Variants in NLK observed in about 807,000 individuals in gnomAD.
NLK encodes serine/threonine-protein kinase NLK.
In NLK, 11 loss-of-function variants were observed where a neutral mutation model predicts 59.0. That is an observed-to-expected ratio of 0.19 (90% CI 0.12 to 0.31). The LOEUF is 0.31. Among genes scored for constraint, NLK ranks in the 10% least tolerant of loss-of-function variants. The pLI, the probability that NLK is intolerant of heterozygous loss-of-function variation, is 1.00. For missense variants in NLK, 410 were observed against 661.1 expected, an observed-to-expected ratio of 0.62 and a Z score of 4.16; for synonymous variants, 235 against 235.9, an observed-to-expected ratio of 1.00 and a Z score of 0.03.
At chr17:28,085,469 G>T (rs1910482423) in intron 1 of NLK, among the ~76,000 whole-genome samples, 1 of 152,236 alleles carries the variant, frequency 6.6e-6, no homozygotes, top group Admixed American at 6.5e-5. Flanking sequence ...GCTGGGCATG[G>T]TGGCTCACGC....
intron 1 of NLK, chr17:28,062,171 G>A (rs186170571): frequency 1.1e-3 from 170 of 152,156 alleles, no homozygotes; most frequent in African/African-American, 3.9e-3. Context: ...GAGAGCGAGA[G>A]TTATAGATGG....
In NLK at chr17:28,082,657, G is replaced by A. The variant is rs34213626; in HGVS notation, c.458+39326G>A. Among the ~76,000 whole-genome samples, 525 of 152,300 alleles carry A rather than the reference G, an allele frequency of 3.4e-3. 2 individuals are homozygous for A. The highest frequency in any genetic ancestry group is 0.012 in the African/African-American group (504 of 41,572). On this transcript the variant is annotated intron_variant, in intron 1 of 10. Coordinates refer to ENST00000407008, the MANE Select transcript of NLK (RefSeq NM_016231.5). Reference sequence around the variant, plus strand: ...GTTTGGATTGTGAGCTGAAACTGAAGAGCAGAATTTAATGTTGACCTCTAA... The same window carrying A: ...GTTTGGATTGTGAGCTGAAACTGAAAAGCAGAATTTAATGTTGACCTCTAA...
chr17:28,084,596 C>G (rs1910451473), intron 1 of NLK, among the ~76,000 whole-genome samples: 1 of 151,714 alleles, frequency 6.6e-6, no homozygotes, highest in Non-Finnish European at 1.5e-5. Flanking sequence ...TGGAGTCTTG[C>G]TCTGTCACCC....
chr17:28,049,678 A>G (rs970154470), intron 1 of NLK, among the ~76,000 whole-genome samples: 1 of 152,142 alleles, frequency 6.6e-6, no homozygotes, highest in Non-Finnish European at 1.5e-5. Context: ...ATTAAATAAA[A>G]ACTTAAGAAT....
At chr17:28,090,409 T>C (rs1423241461) in intron 1 of NLK, among the ~76,000 whole-genome samples, 1 of 152,240 alleles carries the variant, frequency 6.6e-6, no homozygotes, top group African/African-American at 2.4e-5. Flanking sequence ...CTTGTTATTA[T>C]TTTCCATGCT....
At chr17:28,098,675 C>CTTTTTTTTTTTTTTTTTTTT (rs781294029) in intron 1 of NLK, among the ~76,000 whole-genome samples, 2 of 67,566 alleles carry the variant, frequency 3.0e-5, no homozygotes, top group Admixed American at 3.2e-4. Flanking sequence ...CATTACCATT[C>CTTTTTTTTTTTTTTTTTTTT]TTTTTTTTTT....
At chr17:28,069,676 CT>C (rs1026733874) in intron 1 of NLK, among the ~76,000 whole-genome samples, 10 of 151,064 alleles carry the variant, frequency 6.6e-5, no homozygotes, top group African/African-American at 9.7e-5. Flanking sequence ...GTTGGCATGT[CT>C]TTTTTTTTCC....
intron 1 of NLK, among the ~76,000 whole-genome samples, chr17:28,087,343 A>C (rs544651339): frequency 8.8e-4 from 134 of 152,328 alleles, no homozygotes; most frequent in African/African-American, 3.1e-3. Flanking sequence ...ATGTGTAGGT[A>C]TTAACAAGTG....
At chr17:28,068,802 C>T (rs1909917735) in intron 1 of NLK, among the ~76,000 whole-genome samples, 1 of 152,154 alleles carries the variant, frequency 6.6e-6, no homozygotes. Flanking sequence ...CTGCAGCCTT[C>T]AGAGTAGCTG....
At chr17:28,046,331 C>G (rs1909050131) in intron 1 of NLK, among the ~76,000 whole-genome samples, 3 of 152,252 alleles carry the variant, frequency 2.0e-5, no homozygotes, top group African/African-American at 4.8e-5. Context: ...GGTGCTGTGA[C>G]AGTTCAATTA....
intron 7 of NLK, among the ~76,000 whole-genome samples, chr17:28,174,180 TA>T (rs1293783692): frequency 6.6e-6 from 1 of 152,148 alleles, no homozygotes; most frequent in East Asian, 1.9e-4. Flanking sequence ...CTGTTAGTTG[TA>T]AAAACCTAAG....
At chr17:28,071,243 T>G (rs1909997664) in intron 1 of NLK, among the ~76,000 whole-genome samples, 1 of 152,250 alleles carries the variant, frequency 6.6e-6, no homozygotes, top group Admixed American at 6.5e-5. Context: ...TCCAACTTAC[T>G]TGTTTTAATT....
intron 1 of NLK, among the ~76,000 whole-genome samples, chr17:28,045,084 A>G (rs188098189): frequency 1.3e-5 from 2 of 152,320 alleles, no homozygotes; most frequent in Non-Finnish European, 2.9e-5. Flanking sequence ...AGTGGGTACT[A>G]TGAATCTTTG....
intron 3 of NLK, among the ~76,000 whole-genome samples, chr17:28,158,594 G>C (rs997364718): frequency 6.6e-6 from 1 of 151,772 alleles, no homozygotes; most frequent in Non-Finnish European, 1.5e-5. Flanking sequence ...ATAACACTTA[G>C]CGTAAAACAC....
chr17:28,194,769 T>C lies in NLK; in HGVS notation c.*133T>C, dbSNP rs1909425471. The C allele has an allele frequency of 1.2e-5, 6 of 480,306 alleles. No homozygotes were observed. In the Admixed American group the frequency reaches 1.8e-4, roughly 15 times the overall value. 29.8% of individuals were successfully genotyped at this position (480,306 alleles called of 1,614,324 possible). ...GTTTTAAATTAACAACCACTACTTG[T>C]ATGATATGAATAATATTTAGAAATG... On this transcript the variant is annotated 3_prime_UTR_variant, in exon 11 of 11. Transcript: ENST00000407008.
chr17:28,173,786 A>G (rs930514515), intron 7 of NLK, among the ~76,000 whole-genome samples: 1 of 152,250 alleles, frequency 6.6e-6, no homozygotes, highest in African/African-American at 2.4e-5. Flanking sequence ...CATCAGGAAC[A>G]TAAAACTAAT....
intron 1 of NLK, among the ~76,000 whole-genome samples, chr17:28,077,927 C>G (rs1485084810): frequency 1.3e-5 from 2 of 152,030 alleles, no homozygotes; most frequent in African/African-American, 4.8e-5. Context: ...ACAGAAAGTT[C>G]TGCTTCTTTC....
chr17:28,154,781 C>G (rs997535643), intron 3 of NLK, among the ~76,000 whole-genome samples: 4 of 152,052 alleles, frequency 2.6e-5, no homozygotes, highest in African/African-American at 7.2e-5. Context: ...CACCTGTAAT[C>G]CCATCACTTT....
At chr17:28,189,809 GAT>G (rs1909246162) in intron 8 of NLK, among the ~76,000 whole-genome samples, 1 of 152,028 alleles carries the variant, frequency 6.6e-6, no homozygotes, top group Non-Finnish European at 1.5e-5. Context: ...AAAAGAGCTA[GAT>G]CACCAAATAC....
Sources: gnomAD v4.1 joint callset for allele counts (sites outside exome capture counted in the v4.1 genomes callset) on GRCh38, gnomAD v4.1.1 for gene constraint, MANE v1.5 for transcripts, NCBI Gene and HGNC (gene_info 2026-07-23, HGNC 2026-07-21) for gene names.